The following GABBR2 variants were observed in gnomAD, a reference collection of about 807,000 sequenced individuals.
GABBR2 encodes the protein G-protein coupled receptor 51.
In GABBR2, 23 loss-of-function variants were observed where a neutral mutation model predicts 105.6. The observed-to-expected ratio is 0.22, with a 90% CI of 0.16 to 0.31. GABBR2 has a LOEUF of 0.31. GABBR2 is among the 10% of genes least tolerant of loss of function. The pLI, the probability that GABBR2 is intolerant of heterozygous loss-of-function variation, is 1.00. For synonymous variants in GABBR2, 478 were observed against 499.7 expected (o/e 0.96, Z 0.58); for missense variants, 734 against 1,245.5 (o/e 0.59, Z 6.18).
intron 13 of GABBR2, among the ~76,000 whole-genome samples, chr9:98,336,189 T>C (rs1831111976): frequency 6.6e-6 from 1 of 152,100 alleles, no homozygotes. Context: ...AGAAGAATCA[T>C]GAATGCAAAG....
At chr9:98,362,937 C>T (rs1831612957) in intron 12 of GABBR2, 100 bp from the exon 13 acceptor site, 2 of 1,044,584 alleles carry the variant, frequency 1.9e-6, no homozygotes, top group South Asian at 4.9e-5. Flanking sequence ...ATCATGAACC[C>T]CCCAGCCGGA....
At position 98,392,185 on chromosome 9, in the gene GABBR2, A is replaced by G. The variant is rs144859099; in HGVS notation, c.1378+1990T>C. Among the ~76,000 whole-genome samples, 16 of 152,278 alleles carry G rather than the reference A, an allele frequency of 1.1e-4. No homozygotes were observed. In the East Asian group the frequency reaches 1.4e-3, roughly 13 times the overall value. On this transcript the variant is annotated intron_variant, in intron 9 of 18. Coordinates refer to ENST00000259455, the MANE Select transcript of GABBR2 (RefSeq NM_005458.8). ...GAAAGGCAGGGCCTGGGCATCACCA[A>G]TGAAGACCTGGTACCCTCTGACTGT...
chr9:98,317,068 T>G (rs1448957670), intron 13 of GABBR2, among the ~76,000 whole-genome samples: 1 of 152,184 alleles, frequency 6.6e-6, no homozygotes, highest in African/African-American at 2.4e-5. Flanking sequence ...GAGGAAGAAC[T>G]TAATCGTTAA....
At chr9:98,689,114 A>C (rs2131876969) in intron 1 of GABBR2, among the ~76,000 whole-genome samples, 1 of 152,314 alleles carries the variant, frequency 6.6e-6, no homozygotes, top group African/African-American at 2.4e-5. Context: ...TCTGGGCCTC[A>C]GTTTTCTCAT....
At chr9:98,332,035 C>G (rs1000061961) in intron 13 of GABBR2, among the ~76,000 whole-genome samples, 2 of 152,200 alleles carry the variant, frequency 1.3e-5, no homozygotes, top group African/African-American at 4.8e-5. Context: ...GAGCAATTTC[C>G]CATCCATCAG....
chr9:98,580,337 C>G (rs182684392), intron 1 of GABBR2, among the ~76,000 whole-genome samples: 1 of 152,254 alleles, frequency 6.6e-6, no homozygotes, highest in Non-Finnish European at 1.5e-5. Context: ...TAACATAGTT[C>G]CTAAAATTAT....
chr9:98,615,793 A>T (rs892115793), intron 1 of GABBR2, among the ~76,000 whole-genome samples: 4 of 152,136 alleles, frequency 2.6e-5, no homozygotes, highest in Non-Finnish European at 4.4e-5. Context: ...CCCTCTAAAC[A>T]GCTCTGTGTG....
At chr9:98,666,256 A>G (rs1453607764) in intron 1 of GABBR2, among the ~76,000 whole-genome samples, 1 of 152,168 alleles carries the variant, frequency 6.6e-6, no homozygotes, top group Non-Finnish European at 1.5e-5. Flanking sequence ...CAAAGGAATA[A>G]TCTAAATGAA....
At chr9:98,399,959 T>A (rs1832361194) in intron 8 of GABBR2, among the ~76,000 whole-genome samples, 1 of 151,180 alleles carries the variant, frequency 6.6e-6, no homozygotes, top group African/African-American at 2.4e-5. Context: ...GGAGGATCGC[T>A]TCAGGCCACG....
At chr9:98,660,680 G>A (rs907343220) in intron 1 of GABBR2, among the ~76,000 whole-genome samples, 3 of 152,166 alleles carry the variant, frequency 2.0e-5, no homozygotes, top group East Asian at 1.9e-4. Context: ...AGGTTTTGGC[G>A]GGGCTGGTTC....
At chr9:98,393,305 A>G (rs1254102164) in intron 9 of GABBR2, among the ~76,000 whole-genome samples, 2 of 149,428 alleles carry the variant, frequency 1.3e-5, no homozygotes, top group Non-Finnish European at 3.0e-5. Flanking sequence ...CTATCCATCC[A>G]TCTGCCCATT....
At chr9:98,489,320 A>G (rs1827126032) in intron 4 of GABBR2, among the ~76,000 whole-genome samples, 1 of 152,144 alleles carries the variant, frequency 6.6e-6, no homozygotes. Flanking sequence ...CTGTGATAAG[A>G]TGGAGAGAGA....
chr9:98,537,434 G>C (rs1190614600), intron 3 of GABBR2, among the ~76,000 whole-genome samples: 1 of 152,060 alleles, frequency 6.6e-6, no homozygotes, highest in East Asian at 1.9e-4. Context: ...CTGGATTGTG[G>C]CGATGGTTGC....
At chr9:98,481,081 T>C in intron 4 of GABBR2, 84 bp from the exon 5 acceptor site, 1 of 905,108 alleles carries the variant, frequency 1.1e-6, no homozygotes. Context: ...ACAACATTCC[T>C]TCACCTCTGG....
rs535125620 is a variant in GABBR2 at position 98,389,855 on chromosome 9, A to T, written c.1379-851T>A. On this transcript the variant is annotated intron_variant, in intron 9 of 18. Coordinates refer to ENST00000259455, the MANE Select transcript of GABBR2 (RefSeq NM_005458.8). Reference sequence around the variant, plus strand: ...ATTTTAGGTCAGGTTTCTGCTGTGGAATTGTGAAACTTCAGGGCTTTTCTC... The same window carrying T: ...ATTTTAGGTCAGGTTTCTGCTGTGGTATTGTGAAACTTCAGGGCTTTTCTC... 1.2e-4 allele frequency among the ~76,000 whole-genome samples: 18 copies of T among 152,250 alleles called. No homozygotes were observed. In the East Asian group the frequency reaches 2.3e-3, roughly 20 times the overall value.
chr9:98,467,281 C>A (rs1826578830), intron 6 of GABBR2, among the ~76,000 whole-genome samples: 1 of 152,208 alleles, frequency 6.6e-6, no homozygotes, highest in African/African-American at 2.4e-5. Flanking sequence ...GACCAGCCAC[C>A]TGCCAGAGTC....
At chr9:98,515,186 C>A (rs907851099) in intron 3 of GABBR2, among the ~76,000 whole-genome samples, 3 of 152,126 alleles carry the variant, frequency 2.0e-5, no homozygotes, top group Non-Finnish European at 4.4e-5. Context: ...GAGGGGCAGA[C>A]GAGACTGCTG....
chr9:98,494,201 C>A (rs947439773), intron 4 of GABBR2, among the ~76,000 whole-genome samples: 4 of 152,140 alleles, frequency 2.6e-5, no homozygotes, highest in African/African-American at 9.7e-5. Flanking sequence ...TTGTTATAAA[C>A]CACCTAGTTT....
intron 1 of GABBR2, among the ~76,000 whole-genome samples, chr9:98,656,904 G>T (rs1830191995): frequency 6.6e-6 from 1 of 152,200 alleles, no homozygotes; most frequent in Non-Finnish European, 1.5e-5. Context: ...CTGGGTAGGG[G>T]TGCTGGCAAG....
Sources: gnomAD v4.1 joint callset for allele counts (sites outside exome capture counted in the v4.1 genomes callset) on GRCh38, gnomAD v4.1.1 for gene constraint, MANE v1.5 for transcripts, NCBI Gene and HGNC (gene_info 2026-07-23, HGNC 2026-07-21) for gene names.